Variants in SBF2 observed in about 807,000 individuals in gnomAD.
The protein encoded by SBF2 is myotubularin-related protein 13.
A neutral mutation model predicts 225.2 loss-of-function variants in SBF2; 112 were observed. That is an observed-to-expected ratio of 0.50 (90% CI 0.43 to 0.58). The LOEUF is 0.58. Among genes scored for constraint, SBF2 ranks in the 20% least tolerant of loss-of-function variants. The probability of loss-of-function intolerance (pLI) is 0.00; values close to 1 mark genes in which losing one functional copy is unlikely to be tolerated. For synonymous variants in SBF2, 763 were observed against 773.3 expected, an observed-to-expected ratio of 0.99 and a Z score of 0.22; for missense variants, 1,996 against 2,206.2, an observed-to-expected ratio of 0.90 and a Z score of 1.91.
At chr11:10,042,760 A>G in intron 3 of SBF2, 84 bp downstream of exon 3, 1 of 1,433,548 alleles carries the variant, frequency 7.0e-7, no homozygotes, top group Non-Finnish European at 9.8e-7. Context: ...TCAAACTTGC[A>G]GTTGTAACAA....
intron 17 of SBF2, among the ~76,000 whole-genome samples, chr11:9,862,560 CA>C (rs1857845579): frequency 6.6e-6 from 1 of 151,944 alleles, no homozygotes; most frequent in African/African-American, 2.4e-5. Context: ...CTGTAAGATA[CA>C]AAATGAACAT....
chr11:10,118,863 C>G (rs1953293979), intron 2 of SBF2, among the ~76,000 whole-genome samples: 1 of 150,324 alleles, frequency 6.7e-6, no homozygotes, highest in African/African-American at 2.4e-5. Context: ...TAGCAAATAA[C>G]TATTGTCTTT....
intron 1 of SBF2, among the ~76,000 whole-genome samples, chr11:10,276,621 C>T (rs897051261): frequency 2.0e-5 from 3 of 152,160 alleles, no homozygotes; most frequent in African/African-American, 7.2e-5. Context: ...TTCATTTAAT[C>T]CCTTTTAATT....
chr11:10,012,272 C>G (rs1187291226), intron 6 of SBF2, among the ~76,000 whole-genome samples: 3 of 152,170 alleles, frequency 2.0e-5, no homozygotes, highest in African/African-American at 7.2e-5. Context: ...CAGCTTCCTG[C>G]ATAGCTGGGA....
At chr11:10,190,270 T>C (rs542787779) in intron 2 of SBF2, among the ~76,000 whole-genome samples, 138 of 152,308 alleles carry the variant, frequency 9.1e-4, no homozygotes, top group African/African-American at 3.2e-3. Flanking sequence ...CAGGAATAGA[T>C]TGTTAACCAT....
intron 16 of SBF2, among the ~76,000 whole-genome samples, chr11:9,900,523 A>G (rs1227203912): frequency 1.3e-5 from 2 of 152,122 alleles, no homozygotes; most frequent in African/African-American, 2.4e-5. Flanking sequence ...ACCCTAGCCA[A>G]TAGGGGAAGG....
At chr11:9,937,131 T>C (rs55701265) in intron 16 of SBF2, among the ~76,000 whole-genome samples, 6,188 of 152,158 alleles carry the variant, frequency 0.041, 181 homozygotes, top group Middle Eastern at 0.13. Flanking sequence ...TAAAGAAAAT[T>C]GCCCAGAATT....
At chr11:9,893,863 G>C (rs1265647783) in intron 17 of SBF2, among the ~76,000 whole-genome samples, 1 of 152,216 alleles carries the variant, frequency 6.6e-6, no homozygotes, top group African/African-American at 2.4e-5. Flanking sequence ...AGAGGTAGTA[G>C]TTGCTCCCTA....
At chr11:9,912,294 T>A (rs1371795838) in intron 16 of SBF2, among the ~76,000 whole-genome samples, 1 of 138,772 alleles carries the variant, frequency 7.2e-6, no homozygotes, top group Non-Finnish European at 1.5e-5. Flanking sequence ...AAATTTTTTT[T>A]GTTATTTTTT....
At chr11:9,880,084 T>TAAAACATAAA (rs1859623154) in intron 17 of SBF2, among the ~76,000 whole-genome samples, 1 of 51,994 alleles carries the variant, frequency 1.9e-5, no homozygotes, top group Non-Finnish European at 3.5e-5. Flanking sequence ...CTCTGTCTCA[T>TAAAACATAAA]AAAAAAAAAA....
chr11:10,223,425 A>ATATATAC (rs1555082962), intron 1 of SBF2, among the ~76,000 whole-genome samples: 3,734 of 120,732 alleles, frequency 0.031, 135 homozygotes, highest in Non-Finnish European at 0.054. Flanking sequence ...ATATATATAT[A>ATATATAC]TATATATATA....
intron 17 of SBF2, among the ~76,000 whole-genome samples, chr11:9,879,312 G>A (rs1326112764): frequency 1.3e-5 from 2 of 152,144 alleles, no homozygotes; most frequent in Non-Finnish European, 2.9e-5. Flanking sequence ...TGTTATTCAC[G>A]AGTCATGAGT....
intron 33 of SBF2, chr11:9,791,202 TC>T (rs762862985): frequency 2.0e-5 from 3 of 152,404 alleles, no homozygotes; most frequent in Non-Finnish European, 4.4e-5. Context: ...GTAGTCTGTG[TC>T]CTTGGGTGAC....
chr11:9,940,768 G>A (rs748947843), intron 16 of SBF2, among the ~76,000 whole-genome samples: 2 of 151,980 alleles, frequency 1.3e-5, no homozygotes, highest in Non-Finnish European at 2.9e-5. Context: ...TCTTAAACCT[G>A]CAGCCCAAGA....
chr11:10,286,849 TGTCA>T (rs1591369877), intron 1 of SBF2, among the ~76,000 whole-genome samples: 1 of 152,238 alleles, frequency 6.6e-6, no homozygotes, highest in East Asian at 1.9e-4. Flanking sequence ...TAGAAAAGTT[TGTCA>T]GTCTCACACA....
intron 26 of SBF2, among the ~76,000 whole-genome samples, chr11:9,836,954 C>T (rs971015792): frequency 2.6e-5 from 4 of 152,118 alleles, no homozygotes; most frequent in Non-Finnish European, 5.9e-5. Context: ...TGACCTTGTA[C>T]TAAATCCACT....
intron 1 of SBF2, among the ~76,000 whole-genome samples, chr11:10,273,358 T>C (rs950507540): frequency 5.3e-5 from 8 of 152,202 alleles, no homozygotes; most frequent in African/African-American, 1.9e-4. Flanking sequence ...AAAAATTGCT[T>C]CAACATTCAT....
chr11:9,786,720 C>G (rs1027738628), intron 36 of SBF2, among the ~76,000 whole-genome samples: 46 of 152,278 alleles, frequency 3.0e-4, no homozygotes, highest in African/African-American at 9.9e-4. Flanking sequence ...GTGCCTGTTC[C>G]TTGTGTAGGA....
Position 10,031,184 on chromosome 11 carries a change from C to T in SBF2, c.280-14G>A. The T allele has an allele frequency of 6.2e-7, 1 of 1,612,564 alleles. No individual in the cohort carries two copies. Among genetic ancestry groups the T allele is most frequent in the Non-Finnish European group, 8.5e-7 (1 of 1,179,188 alleles). On this transcript the variant is annotated splice_polypyrimidine_tract_variant and intron_variant, in intron 3 of 39. Coordinates refer to ENST00000256190, the MANE Select transcript of SBF2 (RefSeq NM_030962.4). ...CTTCTTTGTTCCCTAGAAAAAGAGA[C>T]ACTGAAATCAACAAACAGAAGGGAT...
Sources: allele counts gnomAD v4.1 joint callset (sites outside exome capture counted in the v4.1 genomes callset), GRCh38; gene constraint gnomAD v4.1.1; transcripts MANE v1.5; gene names NCBI Gene and HGNC (gene_info 2026-07-23, HGNC 2026-07-21).